DGKH: variants seen among roughly 807,000 people sequenced by gnomAD.
The protein encoded by DGKH is DAG kinase eta.
DGKH carries 90 observed loss-of-function variants against 159.3 expected under a neutral mutation model. The ratio of observed to expected loss-of-function variants is 0.57; its 90% CI spans 0.48 to 0.67. The LOEUF is 0.67. DGKH is among the 30% of genes least tolerant of loss of function. The probability of loss-of-function intolerance (pLI) is 0.00; values close to 1 mark genes in which losing one functional copy is unlikely to be tolerated. For missense variants in DGKH, 1,181 were observed against 1,506.1 expected, an observed-to-expected ratio of 0.78 and a Z score of 3.57; for synonymous variants, 536 against 553.8, an observed-to-expected ratio of 0.97 and a Z score of 0.45.
intron 1 of DGKH, among the ~76,000 whole-genome samples, chr13:42,106,772 G>A (rs546229994): frequency 8.5e-5 from 13 of 152,198 alleles, no homozygotes; most frequent in African/African-American, 2.2e-4. Context: ...GGCTGGGCGC[G>A]GTGGCTCATG....
chr13:42,192,902 C>T (rs1957118049), intron 16 of DGKH, among the ~76,000 whole-genome samples: 1 of 152,138 alleles, frequency 6.6e-6, no homozygotes, highest in Non-Finnish European at 1.5e-5. Context: ...GGTGTATTAG[C>T]ACATTGGTAC....
intron 1 of DGKH, among the ~76,000 whole-genome samples, chr13:42,089,866 T>G (rs1286662355): frequency 6.6e-6 from 1 of 152,188 alleles, no homozygotes; most frequent in Admixed American, 6.5e-5. Context: ...GGGACATTAC[T>G]CTGCCTACTA....
chr13:42,076,549 A>G (rs761640335), intron 1 of DGKH, among the ~76,000 whole-genome samples: 24 of 152,008 alleles, frequency 1.6e-4, no homozygotes, highest in Admixed American at 1.6e-3. Flanking sequence ...CCTCTTTTTT[A>G]TTGCCCATTT....
chr13:42,177,247 G>A (rs560242604), intron 12 of DGKH, among the ~76,000 whole-genome samples: 1 of 140,790 alleles, frequency 7.1e-6, no homozygotes, highest in South Asian at 2.4e-4. Context: ...AGCATAGATT[G>A]GTATCTGTTT....
At chr13:42,125,346 A>G (rs1008799538) in intron 1 of DGKH, among the ~76,000 whole-genome samples, 2 of 152,218 alleles carry the variant, frequency 1.3e-5, no homozygotes, top group African/African-American at 4.8e-5. Flanking sequence ...ACTTTCTGCC[A>G]TCTATTGAAT....
chr13:42,152,433 GTA>G (rs372520521), intron 3 of DGKH, among the ~76,000 whole-genome samples: 485 of 147,044 alleles, frequency 3.3e-3, no homozygotes, highest in Middle Eastern at 0.018. Flanking sequence ...TTATATATGT[GTA>G]TATATATATA....
At chr13:42,215,786 C>CTGAG (rs1957775845) in intron 26 of DGKH, 119 bp downstream of exon 26, 1 of 812,408 alleles carries the variant, frequency 1.2e-6, no homozygotes, top group Admixed American at 2.5e-5. Context: ...GGCTTCCATC[C>CTGAG]TGAGAGCTGC....
intron 1 of DGKH, among the ~76,000 whole-genome samples, chr13:42,083,973 A>G (rs1954257590): frequency 6.6e-6 from 1 of 152,172 alleles, no homozygotes; most frequent in Non-Finnish European, 1.5e-5. Context: ...GAATGCAGGT[A>G]GAGACAGCGA....
chr13:42,156,346 G>T (rs186819241), intron 5 of DGKH, among the ~76,000 whole-genome samples: 45 of 151,984 alleles, frequency 3.0e-4, no homozygotes, highest in African/African-American at 1.0e-3. Flanking sequence ...GGGCTCAAAC[G>T]ATCCTCCTAC....
intron 1 of DGKH, among the ~76,000 whole-genome samples, chr13:42,051,281 A>G (rs972263372): frequency 2.0e-5 from 3 of 152,232 alleles, no homozygotes; most frequent in Non-Finnish European, 4.4e-5. Context: ...GTTAGAGTGC[A>G]TGTAAGTTCA....
In DGKH at chr13:42,189,304, G is replaced by A; in HGVS notation, c.1907G>A (p.Gly636Glu). Residue 636 changes from glycine to glutamate, a missense_variant, in exon 15 of 30, where the codon GGA becomes GAA. By Grantham distance (98) the Gly-to-Glu change is moderately conservative. Transcript: ENST00000337343. Reference protein sequence around the residue: ...KAVRQVIEEAGKVMDDPTVHP... With the variant: ...KAVRQVIEEAEKVMDDPTVHP... ...GTGAGGCAAGTCATTGAGGAAGCCG[G>A]AAAAGGTACACATTAACAAATTTAG... The A allele has an allele frequency of 6.2e-7, 1 of 1,614,074 alleles. No homozygotes were observed. Among genetic ancestry groups the A allele is most frequent in the African/African-American group, 1.3e-5 (1 of 75,056 alleles).
intron 1 of DGKH, among the ~76,000 whole-genome samples, chr13:42,083,253 A>G (rs953870656): frequency 6.6e-5 from 10 of 152,188 alleles, no homozygotes; most frequent in African/African-American, 9.6e-5. Context: ...AGAGGGAGAG[A>G]GATTTGCTTC....
chr13:42,072,778 A>C (rs1883053093), intron 1 of DGKH, among the ~76,000 whole-genome samples: 1 of 152,198 alleles, frequency 6.6e-6, no homozygotes, highest in African/African-American at 2.4e-5. Context: ...TCAACTAATA[A>C]AAGTCCCTCC....
Position 42,195,020 on chromosome 13 carries a change from G to T in DGKH, c.2167+4G>T. 6.2e-7 allele frequency: 1 copy of T among 1,609,436 alleles called. No individual in the cohort carries two copies. The highest frequency in any genetic ancestry group is 1.3e-5 in the African/African-American group (1 of 74,736). On this transcript the variant is annotated splice_donor_region_variant and intron_variant, in intron 17 of 29. Coordinates refer to ENST00000337343, the MANE Select transcript of DGKH (RefSeq NM_178009.5). ...AATACCAGAATAATCTGCCCAGGTA[G>T]TACAGATTCTGAAACATCGTGTATT...
At chr13:42,207,859 G>C (rs1329220468) in intron 21 of DGKH, among the ~76,000 whole-genome samples, 1 of 151,878 alleles carries the variant, frequency 6.6e-6, no homozygotes, top group Non-Finnish European at 1.5e-5. Flanking sequence ...TACAGTATAA[G>C]ATCAATTGGA....
Position 42,048,873 on chromosome 13 carries a change from C to A in DGKH, c.100C>A (p.Pro34Thr). The A allele has an allele frequency of 7.3e-7, 1 of 1,373,892 alleles. No homozygotes were observed. Among genetic ancestry groups the A allele is most frequent in the Non-Finnish European group, 9.4e-7 (1 of 1,058,886 alleles). 85.1% of individuals were successfully genotyped at this position (1,373,892 alleles called of 1,614,324 possible). A position where few individuals can be genotyped will look rare whatever the true frequency, so the allele number is the denominator to read the frequency against. ...CACCTCCGCCGCTGCCTCGGCGGGG[C>A]CGGGAGAGGATTCGTCTGACAGCGA... ...AVTSAAASAG[P>T]GEDSSDSEAE... The change falls in exon 1 of 30, where the codon CCG (proline) becomes ACG (threonine). Residue 34 changes from proline (P) to threonine (T), a missense_variant. This residue lies in a region of DGKH where 136 missense variants were observed against 132.2 expected (regional missense o/e 1.03). Transcript: ENST00000337343. The surrounding 1 kb of genome is among the most constrained non-coding windows in gnomAD (Gnocchi z 6.7).
rs1170523781 is a variant in DGKH at position 42,129,734 on chromosome 13, T to C, written c.384+102T>C. 1.0e-5 allele frequency: 11 copies of C among 1,073,782 alleles called. No individual in the cohort carries two copies. The African/African-American group carries it at 1.4e-4, about 14-fold the overall frequency. 66.5% of individuals were successfully genotyped at this position (1,073,782 alleles called of 1,614,324 possible). A position where few individuals can be genotyped will look rare whatever the true frequency, so the allele number is the denominator to read the frequency against. ...TCAATTACAAACTGTTGCTAACTTA[T>C]GCATGTTGGAGTTCCTACCAACACA... On this transcript the variant is annotated intron_variant, in intron 3 of 29. Coordinates refer to ENST00000337343, the MANE Select transcript of DGKH (RefSeq NM_178009.5).
chr13:42,088,634 G>T (rs142192806), intron 1 of DGKH, among the ~76,000 whole-genome samples: 88 of 152,032 alleles, frequency 5.8e-4, no homozygotes, highest in Non-Finnish European at 9.7e-4. Context: ...AAAAAAAAGA[G>T]CATGAGTAAT....
chr13:42,214,364 T>C (rs1448105147), intron 24 of DGKH, 143 bp from the exon 25 acceptor site: 11 of 606,918 alleles, frequency 1.8e-5, no homozygotes, highest in Non-Finnish European at 2.1e-5. Flanking sequence ...GTGCCATTCA[T>C]AATTGAGCAG....
Sources: gnomAD v4.1 joint callset for allele counts (sites outside exome capture counted in the v4.1 genomes callset) on GRCh38, gnomAD v4.1.1 for gene constraint, gnomAD v4.1.1 regional missense constraint, Gnocchi (gnomAD v3.1) non-coding constraint, MANE v1.5 for transcripts, NCBI Gene and HGNC (gene_info 2026-07-23, HGNC 2026-07-21) for gene names.